MAPK6: variants seen among roughly 807,000 people sequenced by gnomAD.
MAPK6 encodes mitogen-activated protein kinase 6.
A neutral mutation model predicts 59.3 loss-of-function variants in MAPK6; 19 were observed. That is an observed-to-expected ratio of 0.32 (90% CI 0.22 to 0.47). The LOEUF (loss-of-function observed/expected upper bound fraction) is 0.47. MAPK6 is among the 20% of genes least tolerant of loss of function. The probability of loss-of-function intolerance (pLI) is 1.00; values close to 1 mark genes in which losing one functional copy is unlikely to be tolerated. For synonymous variants in MAPK6, 316 were observed against 290.3 expected (o/e 1.09, Z -0.90); for missense variants, 724 against 847.9 (o/e 0.85, Z 1.81).
intron 2 of MAPK6, among the ~76,000 whole-genome samples, chr15:52,001,412 G>T (rs1306988046): frequency 2.0e-5 from 3 of 151,886 alleles, no homozygotes; most frequent in African/African-American, 4.8e-5. Context: ...TGGTCTGTAG[G>T]TCTATCCTTT....
chr15:52,012,617 A>G (rs2030085685), intron 3 of MAPK6, among the ~76,000 whole-genome samples: 1 of 152,140 alleles, frequency 6.6e-6, no homozygotes, highest in African/African-American at 2.4e-5. Flanking sequence ...ATTTTGAGTA[A>G]TCATCCTGTA....
chr15:52,064,582 C>G lies in MAPK6; in HGVS notation c.1748C>G (p.Ala583Gly), dbSNP rs748571787. The change falls in exon 6 of 6, where the codon GCT becomes GGT. Residue 583 changes from alanine (A) to glycine (G), a missense_variant. Coordinates refer to ENST00000261845, the MANE Select transcript of MAPK6 (RefSeq NM_002748.4). ...EKQEKGMANL[A>G]QLEALYQSSW... ...CAGGAAAAAGGAATGGCAAATCTGG[C>G]TCAATTAGAAGCCTTGTACCAGTCT... 3 of 1,611,776 alleles carry G rather than the reference C, an allele frequency of 1.9e-6. No individual in the cohort carries two copies. The highest frequency in any genetic ancestry group is 2.5e-6 in the Non-Finnish European group (3 of 1,179,758).
At chr15:52,022,182 A>T (rs1486710071) in intron 1 of MAPK6, among the ~76,000 whole-genome samples, 1 of 152,062 alleles carries the variant, frequency 6.6e-6, no homozygotes, top group African/African-American at 2.4e-5. Flanking sequence ...AAGAAAAAAA[A>T]TTTCCCACCC....
chr15:52,008,508 T>A (rs1002311658), intron 3 of MAPK6, among the ~76,000 whole-genome samples: 1 of 152,152 alleles, frequency 6.6e-6, no homozygotes, highest in Admixed American at 6.5e-5. Context: ...TGCACATGGG[T>A]CATGGAGAAC....
At chr15:51,971,868 C>T in exon 1 of MAPK6, 1 of 1,070,548 alleles carries the variant, frequency 9.3e-7, no homozygotes, top group Non-Finnish European at 1.4e-6. Context: ...CCTTACGTGA[C>T]CTAGTTTTCG....
In MAPK6 at chr15:52,066,680, TACA is replaced by T. The variant is rs1401827497; in HGVS notation, c.*1684_*1686del. ...TCACTTTTCTTTCATCCTTGTTTTGTACAACACCAATTCTATTAATATCTGCCC... is the reference window on the plus strand; with the variant it reads ...TCACTTTTCTTTCATCCTTGTTTTGTACACCAATTCTATTAATATCTGCCC... On this transcript the variant is annotated 3_prime_UTR_variant, in exon 6 of 6. Coordinates refer to ENST00000261845, the MANE Select transcript of MAPK6 (RefSeq NM_002748.4). 3 of 152,162 alleles carry T rather than the reference TACA, an allele frequency of 2.0e-5. No homozygotes were observed. The highest frequency in any genetic ancestry group is 3.4e-3 in the Middle Eastern group (1 of 294). 9.4% of individuals were successfully genotyped at this position (152,162 alleles called of 1,614,324 possible).
At chr15:52,034,473 C>T (rs1316807636) in intron 1 of MAPK6, among the ~76,000 whole-genome samples, 2 of 151,768 alleles carry the variant, frequency 1.3e-5, no homozygotes, top group Non-Finnish European at 2.9e-5. Flanking sequence ...CCATGCCTGG[C>T]TCATTTTTGT....
intron 2 of MAPK6, among the ~76,000 whole-genome samples, chr15:51,992,673 A>G (rs566171938): frequency 5.3e-5 from 8 of 152,262 alleles, no homozygotes; most frequent in East Asian, 1.9e-4. Context: ...CCCATCAGCT[A>G]TAAAGTGGGG....
At chr15:52,022,859 C>G (rs928537892) in intron 1 of MAPK6, among the ~76,000 whole-genome samples, 18 of 151,962 alleles carry the variant, frequency 1.2e-4, no homozygotes, top group African/African-American at 4.3e-4. Flanking sequence ...GCTTGTAATC[C>G]CAGCACTTTG....
upstream of MAPK6, among the ~76,000 whole-genome samples, chr15:52,015,339 G>A (rs907102167): frequency 1.3e-5 from 2 of 152,064 alleles, no homozygotes; most frequent in Non-Finnish European, 2.9e-5. Context: ...TAGAGACGGG[G>A]TTTCACCATG....
At chr15:52,014,087 G>T (rs1453989048) in intron 3 of MAPK6, among the ~76,000 whole-genome samples, 1 of 148,872 alleles carries the variant, frequency 6.7e-6, no homozygotes, top group African/African-American at 2.5e-5. Flanking sequence ...TTTTTTTCCA[G>T]ATACTACCCG....
chr15:52,061,310 C>G lies in MAPK6; in HGVS notation c.877C>G (p.Leu293Val). The change falls in exon 5 of 6, where the codon CTG becomes GTG. Residue 293 changes from leucine (L) to valine (V), a missense_variant. By Grantham distance (32) the Leu-to-Val change is conservative (BLOSUM62 1). Coordinates refer to ENST00000261845, the MANE Select transcript of MAPK6 (RefSeq NM_002748.4). ...PGISREALDF[L>V]EQILTFSPMD... ...CTTTTCCTCTGCAGCACTGGATTTC[C>G]TGGAACAAATTTTGACATTTAGCCC... is the stretch of plus-strand genomic sequence containing the variant. 6.2e-7 allele frequency: 1 copy of G among 1,613,936 alleles called. No individual in the cohort carries two copies. The highest frequency in any genetic ancestry group is 2.2e-5 in the East Asian group (1 of 44,872).
intron 1 of MAPK6, among the ~76,000 whole-genome samples, chr15:52,032,715 G>A (rs373837227): frequency 2.1e-4 from 32 of 150,134 alleles, no homozygotes; most frequent in African/African-American, 2.0e-4. Context: ...ACGGACTTTC[G>A]CTCTTGTTGC....
rs761678467 is a variant in MAPK6 at position 52,046,521 on chromosome 15, A to G, written c.61A>G (p.Met21Val). 8 of 1,613,838 alleles carry G rather than the reference A, an allele frequency of 5.0e-6. No individual in the cohort carries two copies. Among genetic ancestry groups the G allele is most frequent in the South Asian group, 3.3e-5 (3 of 91,078 alleles). ...TGGTTTTGATCTGGGTTCTAGGTAT[A>G]TGGACTTAAAACCATTGGGTTGTGG... The part of the protein sequence containing the change: ...IHGFDLGSRY[M>V]DLKPLGCGGN... The change falls in exon 2 of 6, where the codon ATG becomes GTG. Residue 21 changes from methionine (M) to valine (V), a missense_variant. Met to Val is a conservative substitution (Grantham distance 21). Coordinates refer to ENST00000261845, the MANE Select transcript of MAPK6 (RefSeq NM_002748.4).
chr15:52,042,521 C>T (rs1220773711), intron 1 of MAPK6, among the ~76,000 whole-genome samples: 1 of 151,606 alleles, frequency 6.6e-6, no homozygotes, highest in Non-Finnish European at 1.5e-5. Flanking sequence ...GTTTGTGAGG[C>T]TTGGTCTCAA....
At chr15:52,015,782 G>A (rs1467190142), upstream of MAPK6, among the ~76,000 whole-genome samples, 1 of 149,138 alleles carries the variant, frequency 6.7e-6, no homozygotes, top group East Asian at 2.1e-4. Flanking sequence ...ACCGGGCTGG[G>A]CGTGGTGGCT....
intron 1 of MAPK6, among the ~76,000 whole-genome samples, chr15:52,025,532 G>C (rs2030736789): frequency 6.6e-6 from 1 of 152,226 alleles, no homozygotes; most frequent in Admixed American, 6.5e-5. Context: ...GCTGGGCGCC[G>C]TGGCTCACGC....
At chr15:51,989,405 G>A (rs971472326) in intron 2 of MAPK6, among the ~76,000 whole-genome samples, 28 of 151,940 alleles carry the variant, frequency 1.8e-4, no homozygotes, top group African/African-American at 6.0e-4. Context: ...TGCCATATAT[G>A]GTAACAGTCA....
At chr15:52,050,158 A>T (rs530627774) in intron 3 of MAPK6, 21 bp downstream of exon 3, 10 of 1,583,404 alleles carry the variant, frequency 6.3e-6, no homozygotes, top group South Asian at 2.4e-5. Flanking sequence ...TGTGGGGGGA[A>T]AAATTTTCCC....
Sources: gnomAD v4.1 joint callset for allele counts (sites outside exome capture counted in the v4.1 genomes callset) on GRCh38, gnomAD v4.1.1 for gene constraint, MANE v1.5 for transcripts, NCBI Gene and HGNC (gene_info 2026-07-23, HGNC 2026-07-21) for gene names.